Variants in SLC35F3 observed in about 807,000 individuals in gnomAD.
SLC35F3 encodes the protein putative thiamine transporter SLC35F3.
In SLC35F3, 25 loss-of-function variants were observed where a neutral mutation model predicts 49.9. That is an observed-to-expected ratio of 0.50 (90% CI 0.37 to 0.70). SLC35F3 has a LOEUF of 0.70. Among genes scored for constraint, SLC35F3 ranks in the 30% least tolerant of loss-of-function variants. The pLI is 0.00. For synonymous variants in SLC35F3, 275 were observed against 265.4 expected (o/e 1.04, Z -0.35); for missense variants, 525 against 639.8 (o/e 0.82, Z 1.94).
intron 2 of SLC35F3, among the ~76,000 whole-genome samples, chr1:233,938,533 C>T (rs768873557): frequency 9.2e-5 from 14 of 152,088 alleles, no homozygotes; most frequent in Non-Finnish European, 1.9e-4. Flanking sequence ...TGCTAGAGAA[C>T]AACACAAGGG....
intron 2 of SLC35F3, among the ~76,000 whole-genome samples, chr1:234,024,506 T>C (rs1026103063): frequency 6.6e-6 from 1 of 152,226 alleles, no homozygotes; most frequent in African/African-American, 2.4e-5. Flanking sequence ...CTTACAGTTA[T>C]GGAGGCTCAG....
rs367694670 is a variant in SLC35F3, at chr1:233,995,762, T to C, written c.283+90004T>C. Among the ~76,000 whole-genome samples the C allele has an allele frequency of 2.0e-5, 3 of 152,202 alleles. No individual in the cohort carries two copies. The East Asian group carries it at 5.8e-4, about 29-fold the overall frequency. ...CCCCATTGTTACAAGTTCAGCAGCC[T>C]TCAAAAGTCAGTGAGCCTGTGGACT... On this transcript the variant is annotated intron_variant, in intron 2 of 7. Transcript: ENST00000366618.
intron 2 of SLC35F3, among the ~76,000 whole-genome samples, chr1:234,128,150 A>G (rs1665676783): frequency 6.6e-6 from 1 of 152,204 alleles, no homozygotes; most frequent in Non-Finnish European, 1.5e-5. Context: ...TAGAAAGGTC[A>G]TGAACTGAAT....
intron 2 of SLC35F3, among the ~76,000 whole-genome samples, chr1:234,038,346 C>A (rs12743056): frequency 0.12 from 17,684 of 147,764 alleles, 1,298 homozygotes; most frequent in Non-Finnish European, 0.17. Flanking sequence ...GCCACATTTT[C>A]TTAATCCAGT....
At chr1:234,137,427 A>G (rs1350191667) in intron 2 of SLC35F3, among the ~76,000 whole-genome samples, 4 of 152,222 alleles carry the variant, frequency 2.6e-5, no homozygotes, top group African/African-American at 9.6e-5. Flanking sequence ...AGCAATCCCC[A>G]GAGCATCAGT....
chr1:233,999,222 A>T (rs1357123455), intron 2 of SLC35F3, among the ~76,000 whole-genome samples: 1 of 152,132 alleles, frequency 6.6e-6, no homozygotes, highest in Non-Finnish European at 1.5e-5. Context: ...ACCGCGTCCC[A>T]ATTACCCACT....
At chr1:234,292,039 T>C (rs577249577) in intron 3 of SLC35F3, among the ~76,000 whole-genome samples, 1 of 152,318 alleles carries the variant, frequency 6.6e-6, no homozygotes, top group Non-Finnish European at 1.5e-5. Flanking sequence ...TGTCTGGGTT[T>C]GGTTGCAGGA....
intron 2 of SLC35F3, among the ~76,000 whole-genome samples, chr1:234,067,829 G>A (rs1489497183): frequency 6.6e-6 from 1 of 152,216 alleles, no homozygotes; most frequent in Non-Finnish European, 1.5e-5. Context: ...AGAGTGAGGA[G>A]CAAATGAAGG....
chr1:234,237,787 A>G (rs1298468583), intron 3 of SLC35F3, among the ~76,000 whole-genome samples: 1 of 152,230 alleles, frequency 6.6e-6, no homozygotes, highest in Non-Finnish European at 1.5e-5. Flanking sequence ...GACAAGAGCA[A>G]GTGGAAATGC....
chr1:234,015,246 G>A (rs1022243183), intron 2 of SLC35F3, among the ~76,000 whole-genome samples: 2 of 151,934 alleles, frequency 1.3e-5, no homozygotes, highest in Non-Finnish European at 2.9e-5. Context: ...TACTTGAGAG[G>A]CTGAGACAGG....
At chr1:234,108,234 TTA>T (rs1473060747) in intron 2 of SLC35F3, among the ~76,000 whole-genome samples, 1 of 114,812 alleles carries the variant, frequency 8.7e-6, no homozygotes, top group African/African-American at 3.6e-5. Context: ...ATATATATAT[TTA>T]TATATATAAA....
rs12036338 is a variant in SLC35F3, at chr1:234,153,568, G to T, written c.284-77849G>T. ...AGGGGTGTTATTCAGAGGCTGTTGA[G>T]TAACATAAAACAAATGAGCAATTAT... On this transcript the variant is annotated intron_variant, in intron 2 of 7. Transcript: ENST00000366618. Among the ~76,000 whole-genome samples the T allele has an allele frequency of 3.5e-3, 532 of 152,340 alleles. 10 individuals carry two copies. The East Asian group carries it at 0.037, about 11-fold the overall frequency.
At chr1:234,251,681 A>G (rs1414347249) in intron 3 of SLC35F3, among the ~76,000 whole-genome samples, 2 of 152,220 alleles carry the variant, frequency 1.3e-5, no homozygotes, top group East Asian at 1.9e-4. Context: ...ACTCTGGAAA[A>G]GAAGAGCAAT....
In SLC35F3 at chr1:234,092,071, G is replaced by C. The variant is rs1572048808; in HGVS notation, c.284-139346G>C. The stretch of plus-strand genomic sequence containing the variant: ...TTGGTTTTTAAAATTTCACTTCCAG[G>C]AGCTGGAAGGCAGCCAACCCTGGAG... On this transcript the variant is annotated intron_variant, in intron 2 of 7. Transcript: ENST00000366618. 2.0e-5 allele frequency among the ~76,000 whole-genome samples: 3 copies of C among 152,258 alleles called. No homozygotes were observed. In the South Asian group the frequency reaches 6.2e-4, roughly 32 times the overall value.
chr1:233,931,996 A>G (rs1191552904), intron 2 of SLC35F3, among the ~76,000 whole-genome samples: 1 of 152,192 alleles, frequency 6.6e-6, no homozygotes, highest in Non-Finnish European at 1.5e-5. Context: ...CTTTGCAGGG[A>G]TATGGATGAA....
intron 3 of SLC35F3, among the ~76,000 whole-genome samples, chr1:234,239,009 C>T (rs567984): frequency 0.72 from 109,972 of 152,182 alleles, 41,247 homozygotes; most frequent in African/African-American, 0.9. Flanking sequence ...GTTTAAGGTG[C>T]GGGTTTGAAG....
At chr1:233,988,613 A>G (rs1304433210) in intron 2 of SLC35F3, among the ~76,000 whole-genome samples, 1 of 152,176 alleles carries the variant, frequency 6.6e-6, no homozygotes, top group Non-Finnish European at 1.5e-5. Flanking sequence ...TCCTCCACAC[A>G]GGCACGCTTT....
intron 2 of SLC35F3, among the ~76,000 whole-genome samples, chr1:234,115,814 A>G (rs1665477394): frequency 6.7e-6 from 1 of 149,322 alleles, no homozygotes; most frequent in East Asian, 1.9e-4. Context: ...ACCAAAAAGT[A>G]TCTGAGACTT....
chr1:234,147,154 A>G (rs898274585), intron 2 of SLC35F3, among the ~76,000 whole-genome samples: 1 of 151,748 alleles, frequency 6.6e-6, no homozygotes. Context: ...ACTGTATTAA[A>G]GGATGGACTT....
Sources: gnomAD v4.1 joint callset for allele counts (sites outside exome capture counted in the v4.1 genomes callset) on GRCh38, gnomAD v4.1.1 for gene constraint, MANE v1.5 for transcripts, NCBI Gene and HGNC (gene_info 2026-07-23, HGNC 2026-07-21) for gene names.